The following PACSIN2 variants were observed in gnomAD, a reference collection of about 807,000 sequenced individuals.
PACSIN2 encodes the protein protein kinase C and casein kinase substrate in neurons protein 2.
PACSIN2 carries 25 observed loss-of-function variants against 63.8 expected under a neutral mutation model. The ratio of observed to expected loss-of-function variants is 0.39; its 90% CI spans 0.29 to 0.55. The LOEUF (loss-of-function observed/expected upper bound fraction) is 0.55. Among genes scored for constraint, PACSIN2 ranks in the 20% least tolerant of loss-of-function variants. The pLI, the probability that PACSIN2 is intolerant of heterozygous loss-of-function variation, is 0.62. For synonymous variants in PACSIN2, 255 were observed against 256.2 expected (o/e 1.00, Z 0.05); for missense variants, 518 against 646.9 (o/e 0.80, Z 2.16).
chr22:42,994,196 C>T (rs555614045), intron 1 of PACSIN2, among the ~76,000 whole-genome samples: 46 of 152,290 alleles, frequency 3.0e-4, no homozygotes, highest in African/African-American at 1.1e-3. Context: ...CAGTGCAGTG[C>T]GCTCCTGCTC....
intron 1 of PACSIN2, among the ~76,000 whole-genome samples, chr22:42,993,172 C>CA (rs1301711012): frequency 2.7e-3 from 360 of 133,752 alleles, no homozygotes; most frequent in East Asian, 0.023. Context: ...GACTCCATCT[C>CA]AAAAAAAAAA....
chr22:42,955,063 T>C (rs1450082479), intron 1 of PACSIN2, among the ~76,000 whole-genome samples: 2 of 152,110 alleles, frequency 1.3e-5, no homozygotes, highest in African/African-American at 4.8e-5. Flanking sequence ...ATCATCAAAC[T>C]GGAGTTTCCC....
chr22:42,950,359 C>T (rs1933628179), intron 1 of PACSIN2, among the ~76,000 whole-genome samples: 1 of 3,592 alleles, frequency 2.8e-4, no homozygotes, highest in African/African-American at 1.4e-3. Flanking sequence ...AACAAATTGT[C>T]TAAATACTAG....
intron 1 of PACSIN2, among the ~76,000 whole-genome samples, chr22:42,968,266 A>G (rs1409869880): frequency 6.6e-6 from 1 of 152,200 alleles, no homozygotes; most frequent in African/African-American, 2.4e-5. Context: ...AAGGCAAAGG[A>G]AGAGTTCAAG....
intron 1 of PACSIN2, among the ~76,000 whole-genome samples, chr22:42,920,889 A>T (rs1260888951): frequency 7.0e-6 from 1 of 143,746 alleles, no homozygotes; most frequent in African/African-American, 2.6e-5. Flanking sequence ...TGCAGCCTCA[A>T]CCTCCTCAGC....
At chr22:42,908,345 C>T (rs1256698355) in intron 2 of PACSIN2, among the ~76,000 whole-genome samples, 1 of 149,770 alleles carries the variant, frequency 6.7e-6, no homozygotes, top group African/African-American at 2.5e-5. Context: ...AGGGACAGAC[C>T]TGCCATCCTG....
chr22:42,898,147 A>G (rs1286861195), intron 2 of PACSIN2, among the ~76,000 whole-genome samples: 1 of 152,186 alleles, frequency 6.6e-6, no homozygotes, highest in Non-Finnish European at 1.5e-5. Context: ...GGAGCTGCCC[A>G]TCCTCCAGGT....
At chr22:42,925,149 T>A (rs1447560305) in intron 1 of PACSIN2, among the ~76,000 whole-genome samples, 1 of 151,978 alleles carries the variant, frequency 6.6e-6, no homozygotes, top group East Asian at 1.9e-4. Context: ...CATAATTTAC[T>A]TAAATGTTTT....
At chr22:42,890,002 G>GA (rs1280433001) in intron 4 of PACSIN2, among the ~76,000 whole-genome samples, 3 of 132,908 alleles carry the variant, frequency 2.3e-5, no homozygotes, top group Non-Finnish European at 4.9e-5. Context: ...CAGCCAAAGG[G>GA]ACTTTTTTTT....
chr22:42,983,489 C>CAAAAAAAAAAAAAAAA (rs775403003), intron 1 of PACSIN2, among the ~76,000 whole-genome samples: 1 of 82,296 alleles, frequency 1.2e-5, no homozygotes, highest in Admixed American at 1.4e-4. Context: ...GACTCCATCT[C>CAAAAAAAAAAAAAAAA]AAAAAAAAAA....
chr22:42,956,315 G>A (rs143195124), intron 1 of PACSIN2, among the ~76,000 whole-genome samples: 103 of 152,286 alleles, frequency 6.8e-4, no homozygotes, highest in Middle Eastern at 6.8e-3. Context: ...ATTCATATAT[G>A]ACAGAGTCTA....
At chr22:42,978,380 C>T (rs911783134) in intron 1 of PACSIN2, among the ~76,000 whole-genome samples, 30 of 152,174 alleles carry the variant, frequency 2.0e-4, no homozygotes, top group Non-Finnish European at 3.7e-4. Context: ...AGTAACAAAT[C>T]CAATAACCTA....
intron 1 of PACSIN2, among the ~76,000 whole-genome samples, chr22:42,958,741 A>T (rs769477857): frequency 3.9e-5 from 6 of 152,204 alleles, no homozygotes; most frequent in Non-Finnish European, 8.8e-5. Context: ...CCTAACAAGA[A>T]AGCATGTTTT....
chr22:42,913,827 T>G (rs1365740694), intron 1 of PACSIN2, among the ~76,000 whole-genome samples: 2 of 152,304 alleles, frequency 1.3e-5, no homozygotes, highest in Admixed American at 1.3e-4. Flanking sequence ...TAAGGTAATA[T>G]TCTCTCCATT....
intron 4 of PACSIN2, among the ~76,000 whole-genome samples, chr22:42,890,004 CTTT>C (rs573073554): frequency 7.3e-6 from 1 of 137,016 alleles, no homozygotes; most frequent in Non-Finnish European, 1.6e-5. Context: ...GCCAAAGGGA[CTTT>C]TTTTTTTTTT....
chr22:42,957,280 A>C (rs2146842021), intron 1 of PACSIN2, among the ~76,000 whole-genome samples: 1 of 152,388 alleles, frequency 6.6e-6, no homozygotes, highest in East Asian at 1.9e-4. Context: ...AAAGTTATTA[A>C]ATTCAACTTC....
At chr22:42,913,556 A>G (rs2146725267) in intron 1 of PACSIN2, among the ~76,000 whole-genome samples, 1 of 152,166 alleles carries the variant, frequency 6.6e-6, no homozygotes, top group Non-Finnish European at 1.5e-5. Context: ...TCAAATATAT[A>G]CAAGAGCTTA....
At chr22:42,926,232 T>C (rs570074529) in intron 1 of PACSIN2, among the ~76,000 whole-genome samples, 7 of 152,298 alleles carry the variant, frequency 4.6e-5, no homozygotes, top group African/African-American at 7.2e-5. Context: ...AGCTTGCGCA[T>C]TGCAAGATGC....
intron 1 of PACSIN2, among the ~76,000 whole-genome samples, chr22:42,989,306 G>A (rs908078048): frequency 2.0e-5 from 3 of 152,114 alleles, no homozygotes; most frequent in Admixed American, 6.5e-5. Flanking sequence ...AGACCAGCCT[G>A]GCCAACATGA....
Sources: gnomAD v4.1 joint callset for allele counts (sites outside exome capture counted in the v4.1 genomes callset) on GRCh38, gnomAD v4.1.1 for gene constraint, MANE v1.5 for transcripts, NCBI Gene and HGNC (gene_info 2026-07-23, HGNC 2026-07-21) for gene names.